Variants in POT1 observed in about 807,000 individuals in gnomAD.
POT1 encodes protection of telomeres 1.
In POT1, 47 loss-of-function variants were observed where a neutral mutation model predicts 78.5. The observed-to-expected ratio is 0.60, with a 90% confidence interval of 0.47 to 0.76. POT1 has a LOEUF of 0.76. POT1 is among the 30% of genes least tolerant of loss of function. The pLI, the probability that POT1 is intolerant of heterozygous loss-of-function variation, is 0.00. For missense variants in POT1, 646 were observed against 749.9 expected, an observed-to-expected ratio of 0.86 and a Z score of 1.62; for synonymous variants, 259 against 260.7, an observed-to-expected ratio of 0.99 and a Z score of 0.06.
At chr7:124,862,983 A>T (rs1005391852) in intron 8 of POT1, among the ~76,000 whole-genome samples, 3 of 152,204 alleles carry the variant, frequency 2.0e-5, no homozygotes, top group African/African-American at 7.2e-5. Context: ...ACAAAAAAGT[A>T]AATAAATGAG....
At chr7:124,841,447 C>T (rs965179055) in intron 13 of POT1, among the ~76,000 whole-genome samples, 3 of 151,740 alleles carry the variant, frequency 2.0e-5, no homozygotes, top group Non-Finnish European at 4.4e-5. Context: ...TTTTGTGATA[C>T]AAAGTTACTC....
At chr7:124,863,702 T>TA in intron 7 of POT1, 62 bp from the exon 8 acceptor site, 1 of 1,262,274 alleles carries the variant, frequency 7.9e-7, no homozygotes, top group Non-Finnish European at 1.1e-6. Flanking sequence ...ATGCACAACC[T>TA]ACGAACCAAA....
At chr7:124,916,551 G>A (rs1054620278) in intron 2 of POT1, among the ~76,000 whole-genome samples, 1 of 151,924 alleles carries the variant, frequency 6.6e-6, no homozygotes, top group Non-Finnish European at 1.5e-5. Context: ...TAAAACAATT[G>A]TTTTATTTCT....
At position 124,900,528 on chromosome 7, in the gene POT1, A is replaced by T. The variant is rs1016908413; in HGVS notation, c.-153-2154T>A. Among the ~76,000 whole-genome samples, 9 of 152,166 alleles carry T rather than the reference A, an allele frequency of 5.9e-5. No individual in the cohort carries two copies. The East Asian group carries it at 1.8e-3, about 30-fold the overall frequency. On this transcript the variant is annotated intron_variant, in intron 3 of 18. Coordinates refer to ENST00000357628, the MANE Select transcript of POT1 (RefSeq NM_015450.3). ...AAGTTCCTTGGACTGAAAGTAATGG[A>T]GATCATTCCAAGATGGCCGAATAGG...
chr7:124,873,467 T>C (rs1366141287), intron 6 of POT1, among the ~76,000 whole-genome samples: 1 of 152,250 alleles, frequency 6.6e-6, no homozygotes, highest in Non-Finnish European at 1.5e-5. Flanking sequence ...TCATGGTGAA[T>C]AGTCTCTTTA....
intron 2 of POT1, among the ~76,000 whole-genome samples, chr7:124,927,422 GAAT>G (rs1797300591): frequency 1.3e-5 from 2 of 152,222 alleles, no homozygotes; most frequent in African/African-American, 4.8e-5. Flanking sequence ...TATAAAATGA[GAAT>G]AATACTTAGA....
intron 6 of POT1, among the ~76,000 whole-genome samples, chr7:124,873,967 A>C (rs1562998877): frequency 6.6e-6 from 1 of 152,168 alleles, no homozygotes; most frequent in Non-Finnish European, 1.5e-5. Flanking sequence ...GAGAGTAAAA[A>C]GTAGGGCTGA....
At chr7:124,887,276 TTCCCCTTTCC>T (rs1209191756) in intron 6 of POT1, among the ~76,000 whole-genome samples, 6 of 152,148 alleles carry the variant, frequency 3.9e-5, no homozygotes, top group African/African-American at 1.4e-4. Context: ...AACTTTAATG[TTCCCCTTTCC>T]TCTACAACAA....
intron 14 of POT1, among the ~76,000 whole-genome samples, chr7:124,840,088 C>T (rs1794990590): frequency 6.6e-6 from 1 of 151,630 alleles, no homozygotes; most frequent in Non-Finnish European, 1.5e-5. Flanking sequence ...ACCATACATG[C>T]TAGCCTCCTC....
intron 6 of POT1, among the ~76,000 whole-genome samples, chr7:124,873,283 A>T (rs1262022384): frequency 1.3e-5 from 2 of 152,198 alleles, no homozygotes; most frequent in Admixed American, 6.5e-5. Flanking sequence ...GGTTCATAGT[A>T]CTACATTGAA....
chr7:124,883,367 G>C (rs11766412), intron 6 of POT1, among the ~76,000 whole-genome samples: 49,262 of 151,844 alleles, frequency 0.32, 8,005 homozygotes, highest in South Asian at 0.39. Context: ...TATAGTAATT[G>C]TATTGTAATT....
At chr7:124,919,850 C>T (rs1421191945) in intron 2 of POT1, among the ~76,000 whole-genome samples, 4 of 152,128 alleles carry the variant, frequency 2.6e-5, no homozygotes, top group Non-Finnish European at 4.4e-5. Context: ...CTCAGTGCCC[C>T]TCAGATGTGC....
At chr7:124,862,577 T>A (rs753653021) in intron 8 of POT1, among the ~76,000 whole-genome samples, 1 of 152,204 alleles carries the variant, frequency 6.6e-6, no homozygotes. Context: ...TTCAATGATT[T>A]CTAACTTCTC....
chr7:124,897,246 C>G, intron 4 of POT1, 34 bp from the exon 5 acceptor site: 1 of 975,954 alleles, frequency 1.0e-6, no homozygotes, highest in South Asian at 1.6e-5. Context: ...TATTTGTATA[C>G]AGATAACCTC....
intron 11 of POT1, among the ~76,000 whole-genome samples, chr7:124,850,521 A>T (rs948617415): frequency 6.8e-4 from 103 of 152,232 alleles, no homozygotes; most frequent in African/African-American, 2.3e-3. Context: ...AGGTCAGGAG[A>T]TCGAGACCAT....
At chr7:124,846,435 A>T (rs1795168513) in intron 12 of POT1, among the ~76,000 whole-genome samples, 1 of 151,624 alleles carries the variant, frequency 6.6e-6, no homozygotes, top group Admixed American at 6.6e-5. Context: ...TTTTCTGAAA[A>T]TTTTTTTTTA....
chr7:124,876,097 T>G (rs1795983742), intron 6 of POT1, among the ~76,000 whole-genome samples: 1 of 152,174 alleles, frequency 6.6e-6, no homozygotes, highest in South Asian at 2.1e-4. Context: ...CCAAAAAAAT[T>G]TTTGAGTCGA....
At position 124,822,777 on chromosome 7, in the gene POT1, A is replaced by G. The variant is rs1794536768; in HGVS notation, c.*1185T>C. The G allele has an allele frequency of 4.9e-6, 1 of 203,472 alleles. No homozygotes were observed. The highest frequency in any genetic ancestry group is 8.2e-5 in the South Asian group (1 of 12,124). The allele number at this position is 203,472 out of a possible 1,614,324, so 12.6% of individuals were successfully genotyped here. ...TTAGGTAAAGAAGATGTGTTAATGT[A>G]CTCAGGAACTAGAATTTAGAGTTAT... On this transcript the variant is annotated 3_prime_UTR_variant, in exon 19 of 19. Coordinates refer to ENST00000357628, the MANE Select transcript of POT1 (RefSeq NM_015450.3).
intron 12 of POT1, among the ~76,000 whole-genome samples, chr7:124,843,799 C>T (rs368740278): frequency 2.6e-4 from 39 of 152,246 alleles, no homozygotes; most frequent in South Asian, 1.2e-3. Flanking sequence ...ACCTCAATGG[C>T]GAAGACAATT....
Sources: gnomAD v4.1 joint callset for allele counts (sites outside exome capture counted in the v4.1 genomes callset) on GRCh38, gnomAD v4.1.1 for gene constraint, MANE v1.5 for transcripts, NCBI Gene and HGNC (gene_info 2026-07-23, HGNC 2026-07-21) for gene names.